The following KCND2 variants were observed in gnomAD, a reference collection of about 807,000 sequenced individuals.
KCND2 encodes the protein potassium voltage-gated channel subfamily D member 2.
A neutral mutation model predicts 54.4 loss-of-function variants in KCND2; 16 were observed. The observed-to-expected ratio is 0.29, with a 90% CI of 0.20 to 0.45. The LOEUF is 0.45. Ranked by LOEUF, KCND2 falls within the 20% of genes least tolerant of loss-of-function variation. The pLI is 1.00. For synonymous variants in KCND2, 317 were observed against 310.7 expected (o/e 1.02, Z -0.21); for missense variants, 486 against 824.2 (o/e 0.59, Z 5.02).
intron 1 of KCND2, among the ~76,000 whole-genome samples, chr7:120,663,497 A>C (rs1016881758): frequency 3.3e-5 from 5 of 152,198 alleles, no homozygotes; most frequent in African/African-American, 1.2e-4. Context: ...TTCACTTTTT[A>C]AAATTACTAA....
chr7:120,349,400 T>G (rs1800370324), intron 1 of KCND2, among the ~76,000 whole-genome samples: 1 of 152,036 alleles, frequency 6.6e-6, no homozygotes, highest in African/African-American at 2.4e-5. Flanking sequence ...AACAATGTCT[T>G]TCTGGAATTA....
chr7:120,515,642 T>C (rs1261817676), intron 1 of KCND2, among the ~76,000 whole-genome samples: 1 of 151,914 alleles, frequency 6.6e-6, no homozygotes, highest in African/African-American at 2.4e-5. Flanking sequence ...TCCTACAGAG[T>C]TGGGACTCAC....
chr7:120,505,178 A>C (rs1802995290), intron 1 of KCND2, among the ~76,000 whole-genome samples: 1 of 151,720 alleles, frequency 6.6e-6, no homozygotes, highest in East Asian at 1.9e-4. Context: ...TTTTATTTTC[A>C]AAACTCAGTA....
chr7:120,384,785 C>T (rs1800964006), intron 1 of KCND2, among the ~76,000 whole-genome samples: 1 of 152,032 alleles, frequency 6.6e-6, no homozygotes, highest in African/African-American at 2.4e-5. Flanking sequence ...TTTAGCTTGT[C>T]AGAACTTAAT....
At chr7:120,300,992 T>C (rs151334669) in intron 1 of KCND2, among the ~76,000 whole-genome samples, 70 of 152,210 alleles carry the variant, frequency 4.6e-4, no homozygotes, top group African/African-American at 1.6e-3. Flanking sequence ...AAGGTAAAAG[T>C]CCTCAGGGCT....
intron 1 of KCND2, among the ~76,000 whole-genome samples, chr7:120,330,940 A>G (rs949804997): frequency 1.3e-5 from 2 of 152,190 alleles, no homozygotes; most frequent in African/African-American, 4.8e-5. Context: ...ATCTAAATGA[A>G]ATTAAAATGA....
intron 1 of KCND2, among the ~76,000 whole-genome samples, chr7:120,448,325 C>T (rs1043522154): frequency 6.6e-6 from 1 of 152,068 alleles, no homozygotes; most frequent in African/African-American, 2.4e-5. Flanking sequence ...TGATGGTTTC[C>T]AGCTTCATCC....
chr7:120,545,173 A>G (rs1792028438), intron 1 of KCND2, among the ~76,000 whole-genome samples: 1 of 151,942 alleles, frequency 6.6e-6, no homozygotes, highest in African/African-American at 2.4e-5. Flanking sequence ...AACTTGATGT[A>G]TGCTGTCACC....
intron 1 of KCND2, among the ~76,000 whole-genome samples, chr7:120,485,854 G>GT (rs1802685787): frequency 6.6e-6 from 1 of 152,162 alleles, no homozygotes; most frequent in South Asian, 2.1e-4. Context: ...AAGGGACCTT[G>GT]TGGTGGTGTT....
At chr7:120,554,305 T>A (rs1792135974) in intron 1 of KCND2, among the ~76,000 whole-genome samples, 1 of 152,186 alleles carries the variant, frequency 6.6e-6, no homozygotes, top group Non-Finnish European at 1.5e-5. Flanking sequence ...TTCTCAAACA[T>A]TAACTTGCAT....
intron 1 of KCND2, among the ~76,000 whole-genome samples, chr7:120,564,504 A>G (rs1336414890): frequency 1.3e-5 from 2 of 152,194 alleles, no homozygotes; most frequent in Non-Finnish European, 2.9e-5. Context: ...CTTCTGCAAT[A>G]GAATTCTTAA....
At chr7:120,441,586 A>G (rs903779376) in intron 1 of KCND2, among the ~76,000 whole-genome samples, 1 of 152,132 alleles carries the variant, frequency 6.6e-6, no homozygotes, top group African/African-American at 2.4e-5. Context: ...GTAAAAATAA[A>G]TGTGTATGTA....
At chr7:120,354,004 T>A (rs1800453519) in intron 1 of KCND2, among the ~76,000 whole-genome samples, 1 of 152,198 alleles carries the variant, frequency 6.6e-6, no homozygotes, top group Non-Finnish European at 1.5e-5. Flanking sequence ...TCTTAATATT[T>A]TGTGTGACAA....
chr7:120,683,971 CTT>C, intron 1 of KCND2, among the ~76,000 whole-genome samples: 1 of 152,084 alleles, frequency 6.6e-6, no homozygotes, highest in Non-Finnish European at 1.5e-5. Context: ...TGTTCTTTCT[CTT>C]TTCTTTTCTT....
At chr7:120,489,083 G>A in intron 1 of KCND2, among the ~76,000 whole-genome samples, 1 of 152,090 alleles carries the variant, frequency 6.6e-6, no homozygotes, top group African/African-American at 2.4e-5. Flanking sequence ...TTAATATTCT[G>A]TATGTTAAAC....
At chr7:120,622,685 ACACACTCT>A (rs1282397613) in intron 1 of KCND2, among the ~76,000 whole-genome samples, 26 of 139,510 alleles carry the variant, frequency 1.9e-4, no homozygotes, top group African/African-American at 7.6e-4. Flanking sequence ...ACACACACAC[ACACACTCT>A]CTCTCTCTCT....
intron 1 of KCND2, chr7:120,463,901 TGATA>T (rs3067093): frequency 0.096 from 15,588 of 161,806 alleles, 884 homozygotes; most frequent in Middle Eastern, 0.15. Context: ...GATAGATGAT[TGATA>T]GATAGATAGA....
intron 1 of KCND2, among the ~76,000 whole-genome samples, chr7:120,708,328 A>G (rs1161512021): frequency 6.6e-6 from 1 of 152,160 alleles, no homozygotes; most frequent in Non-Finnish European, 1.5e-5. Context: ...ATAGGTGTGC[A>G]TGAGAAGAGC....
chr7:120,723,347 GA>G (rs1178516833), intron 1 of KCND2, among the ~76,000 whole-genome samples: 8 of 152,128 alleles, frequency 5.3e-5, no homozygotes, highest in African/African-American at 1.9e-4. Flanking sequence ...ATCTTGTTAA[GA>G]AAAATAACTA....
Sources: gnomAD v4.1 joint callset for allele counts (sites outside exome capture counted in the v4.1 genomes callset) on GRCh38, gnomAD v4.1.1 for gene constraint, MANE v1.5 for transcripts, NCBI Gene and HGNC (gene_info 2026-07-23, HGNC 2026-07-21) for gene names.